Variants in RYR3 observed in about 807,000 individuals in gnomAD.
RYR3 encodes the protein brain ryanodine receptor-calcium release channel.
RYR3 carries 207 observed loss-of-function variants against 584.3 expected under a neutral mutation model. The ratio of observed to expected loss-of-function variants is 0.35; its 90% CI spans 0.32 to 0.40. The LOEUF is 0.40. Among genes scored for constraint, RYR3 ranks in the 10% least tolerant of loss-of-function variants. The pLI is 1.00. For synonymous variants in RYR3, 2,416 were observed against 2,248.5 expected (o/e 1.07, Z -2.11); for missense variants, 5,616 against 6,089.2 (o/e 0.92, Z 2.59).
At chr15:33,859,313 A>C (rs899164806) in intron 99 of RYR3, among the ~76,000 whole-genome samples, 4 of 152,254 alleles carry the variant, frequency 2.6e-5, no homozygotes, top group African/African-American at 9.6e-5. Context: ...AGATCTTTTA[A>C]CTTATATACA....
chr15:33,825,732 T>A, intron 82 of RYR3, 56 bp downstream of exon 82: 1 of 753,162 alleles, frequency 1.3e-6, no homozygotes, highest in Non-Finnish European at 2.0e-6. Context: ...TCTTTTTTTT[T>A]TTTTTTTTTT....
rs150381614 is a variant in RYR3 at position 33,339,755 on chromosome 15, G to C, written c.51+28659G>C. ...ACACAAAAAATTAGTCGGGTGTAGT[G>C]GTGGGCGCCTGTAGTCCCAGCTACT... On this transcript the variant is annotated intron_variant, in intron 1 of 103. Transcript: ENST00000634891. 4.4e-3 allele frequency among the ~76,000 whole-genome samples: 662 copies of C among 151,234 alleles called. 5 individuals carry two copies. Among genetic ancestry groups the C allele is most frequent in the African/African-American group, 0.015 (608 of 41,174 alleles).
chr15:33,378,976 A>C (rs1029873477), intron 1 of RYR3, among the ~76,000 whole-genome samples: 1 of 152,114 alleles, frequency 6.6e-6, no homozygotes, highest in Non-Finnish European at 1.5e-5. Flanking sequence ...AAAAAAAAAA[A>C]GTGTGTTTTA....
At chr15:33,451,831 C>G (rs2047158273) in intron 1 of RYR3, among the ~76,000 whole-genome samples, 1 of 152,226 alleles carries the variant, frequency 6.6e-6, no homozygotes, top group African/African-American at 2.4e-5. Context: ...TTGACTTCGT[C>G]ATTATTAACT....
At chr15:33,765,954 CA>C (rs2073023137) in intron 60 of RYR3, among the ~76,000 whole-genome samples, 1 of 152,090 alleles carries the variant, frequency 6.6e-6, no homozygotes, top group Non-Finnish European at 1.5e-5. Flanking sequence ...CTCTACTACC[CA>C]AAGTGACTCT....
intron 45 of RYR3, among the ~76,000 whole-genome samples, chr15:33,725,188 C>CACACACATATAT (rs1567031178): frequency 1.3e-5 from 2 of 149,236 alleles, no homozygotes; most frequent in Non-Finnish European, 3.0e-5. Flanking sequence ...CACACACACA[C>CACACACATATAT]ACACACACAC....
In RYR3 at chr15:33,716,092, C is replaced by T. The variant is rs555549964; in HGVS notation, c.6620-6623C>T. Among the ~76,000 whole-genome samples the T allele has an allele frequency of 2.9e-3, 437 of 152,284 alleles. 2 individuals are homozygous for T. The highest frequency in any genetic ancestry group is 0.022 in the South Asian group (108 of 4,816). ...GGTACCTTCCTCCCACTCTTTCTCT[C>T]GTTCTCTGAGACACCTGCTCCCCCT... On this transcript the variant is annotated intron_variant, in intron 43 of 103. Transcript: ENST00000634891.
chr15:33,546,893 A>G (rs2056285622), intron 8 of RYR3, among the ~76,000 whole-genome samples: 1 of 152,200 alleles, frequency 6.6e-6, no homozygotes, highest in Admixed American at 6.5e-5. Context: ...CTTGGGTTTG[A>G]CCACTTCAAT....
chr15:33,745,112 TG>T (rs796143774), intron 52 of RYR3, among the ~76,000 whole-genome samples: 21 of 152,092 alleles, frequency 1.4e-4, no homozygotes, highest in African/African-American at 5.1e-4. Flanking sequence ...AGACAAATGA[TG>T]GGAGGGGTAC....
chr15:33,644,514 A>T lies in RYR3; in HGVS notation c.3760A>T (p.Ile1254Leu), dbSNP rs770535464. Residue 1254 changes from isoleucine (I) to leucine (L), a missense_variant, in exon 28 of 104, where the codon ATA (isoleucine) becomes TTA (leucine). Coordinates refer to ENST00000634891, the MANE Select transcript of RYR3 (RefSeq NM_001036.6). ...FVNVPKDHPH[I>L]EVMRIDGTMD... ...CAACGTGCCAAAGGATCATCCACAC[A>T]TAGAGGTAATGTTACACAATGTGTG... The T allele has an allele frequency of 5.0e-6, 8 of 1,612,682 alleles. No homozygotes were observed. The highest frequency in any genetic ancestry group is 6.8e-6 in the Non-Finnish European group (8 of 1,178,932).
chr15:33,459,537 C>G (rs936614210), intron 1 of RYR3, among the ~76,000 whole-genome samples: 2 of 152,070 alleles, frequency 1.3e-5, no homozygotes, highest in Non-Finnish European at 2.9e-5. Flanking sequence ...TAATAGGTGG[C>G]AGAAACCTGC....
chr15:33,771,602 T>G (rs1231335942), intron 62 of RYR3, among the ~76,000 whole-genome samples: 1 of 152,200 alleles, frequency 6.6e-6, no homozygotes, highest in Non-Finnish European at 1.5e-5. Flanking sequence ...AACTAGATCT[T>G]TACAGAAGAC....
In RYR3 at chr15:33,841,935, CAAAAAA is replaced by C; in HGVS notation, c.13110_13115del (p.Lys4373_Lys4374del). 6.3e-7 allele frequency: 1 copy of C among 1,585,616 alleles called. No individual in the cohort carries two copies. Among genetic ancestry groups the C allele is most frequent in the East Asian group, 2.3e-5 (1 of 43,498 alleles). On this transcript the variant is annotated inframe_deletion, in exon 91 of 104. Transcript: ENST00000634891. Reference sequence around the variant, plus strand: ...GCTGAGTACCTGTGGACAGAAGTGACAAAAAAGAAGAAGCGGCGGTGTGGTCAGAAG... The same window carrying C: ...GCTGAGTACCTGTGGACAGAAGTGACGAAGAAGCGGCGGTGTGGTCAGAAG...
intron 85 of RYR3, among the ~76,000 whole-genome samples, chr15:33,828,335 C>G (rs1424405562): frequency 6.6e-6 from 1 of 152,120 alleles, no homozygotes; most frequent in African/African-American, 2.4e-5. Flanking sequence ...TCCAAGTGTT[C>G]AAGTGAAAGG....
intron 91 of RYR3, 134 bp from the exon 92 acceptor site, chr15:33,843,354 C>CT (rs1036652304): frequency 6.4e-6 from 4 of 629,824 alleles, no homozygotes; most frequent in Non-Finnish European, 1.1e-5. Flanking sequence ...CAGGGTTACC[C>CT]TAGAAGAGTG....
At chr15:33,757,675 C>A in intron 60 of RYR3, 79 bp downstream of exon 60, 1 of 1,484,022 alleles carries the variant, frequency 6.7e-7, no homozygotes, top group Non-Finnish European at 9.2e-7. Context: ...GACTAAAAGG[C>A]GAGTCTTTTG....
At chr15:33,625,779 A>G (rs2060953505) in intron 20 of RYR3, among the ~76,000 whole-genome samples, 1 of 152,208 alleles carries the variant, frequency 6.6e-6, no homozygotes, top group Non-Finnish European at 1.5e-5. Flanking sequence ...TAGTTCTGTG[A>G]TAGAGCCTGT....
At chr15:33,661,740 G>A (rs7174989) in intron 34 of RYR3, among the ~76,000 whole-genome samples, 134,367 of 152,194 alleles carry the variant, frequency 0.88, 60,492 homozygotes, top group Non-Finnish European at 0.97. Flanking sequence ...AACCCCTGAT[G>A]TAGACGGTAG....
In RYR3 at chr15:33,662,751, G is replaced by A; in HGVS notation, c.5221G>A (p.Asp1741Asn). 1 of 1,614,142 alleles carries A rather than the reference G, an allele frequency of 6.2e-7. No individual in the cohort carries two copies. The highest frequency in any genetic ancestry group is 1.7e-5 in the Admixed American group (1 of 60,022). The change falls in exon 35 of 104, where the codon GAT becomes AAT. Residue 1741 changes from aspartate (D) to asparagine (N), a missense_variant. Around this residue, in one of 9 missense-constraint regions of RYR3, gnomAD observed 753 missense variants for 741.0 expected, o/e 1.02. Transcript: ENST00000634891. Reference protein sequence around the residue: ...TLLVMGVFDDDDVRQILLLID... With the variant: ...TLLVMGVFDDNDVRQILLLID... ...GCTGGTCATGGGCGTGTTTGATGAT[G>A]ATGATGTTCGGCAGATCCTCCTCCT...
Sources: allele counts gnomAD v4.1 joint callset (sites outside exome capture counted in the v4.1 genomes callset), GRCh38; gene constraint gnomAD v4.1.1; regional missense constraint gnomAD v4.1.1; transcripts MANE v1.5; gene names NCBI Gene and HGNC (gene_info 2026-07-23, HGNC 2026-07-21).